Variants in GSAP observed in about 807,000 individuals in gnomAD.
GSAP encodes the protein gamma-secretase activating protein, also known as gamma-secretase-activating protein.
A neutral mutation model predicts 131.7 loss-of-function variants in GSAP; 118 were observed. The observed-to-expected ratio is 0.90, with a 90% CI of 0.77 to 1.04. The LOEUF (loss-of-function observed/expected upper bound fraction) is 1.04, where lower values mean the gene tolerates loss of function less well. GSAP is among the 50% of genes least tolerant of loss of function. GSAP has a pLI of 0.00. For missense variants in GSAP, 1,019 were observed against 1,013.2 expected, an observed-to-expected ratio of 1.01 and a Z score of -0.08; for synonymous variants, 381 against 363.4, an observed-to-expected ratio of 1.05 and a Z score of -0.55.
At chr7:77,413,260 G>T (rs555912101) in intron 1 of GSAP, among the ~76,000 whole-genome samples, 1 of 152,278 alleles carries the variant, frequency 6.6e-6, no homozygotes, top group Non-Finnish European at 1.5e-5. Context: ...AGGAAGCTTC[G>T]GAACTGAAAT....
chr7:77,355,067 G>A (rs764845061), intron 16 of GSAP, 146 bp downstream of exon 16: 56 of 609,218 alleles, frequency 9.2e-5, no homozygotes, highest in South Asian at 2.7e-4. Flanking sequence ...AAAAAGCAGC[G>A]CAAAAGATGA....
chr7:77,396,060 C>A (rs1190867006), intron 5 of GSAP, among the ~76,000 whole-genome samples: 1 of 152,204 alleles, frequency 6.6e-6, no homozygotes, highest in Non-Finnish European at 1.5e-5. Flanking sequence ...AAGCTCCAGA[C>A]TTCCCTTGAT....
intron 5 of GSAP, among the ~76,000 whole-genome samples, chr7:77,393,559 C>T (rs28612656): frequency 0.12 from 18,782 of 151,942 alleles, 1,664 homozygotes; most frequent in East Asian, 0.41. Context: ...CCCACATGCC[C>T]TTCTACCTGT....
chr7:77,382,025 A>AT (rs1797883237), intron 7 of GSAP, among the ~76,000 whole-genome samples: 1 of 149,250 alleles, frequency 6.7e-6, no homozygotes, highest in Non-Finnish European at 1.5e-5. Flanking sequence ...AAGACAGCTT[A>AT]CTAGATAAGC....
chr7:77,406,078 A>G lies in GSAP; in HGVS notation c.137T>C (p.Leu46Ser). 8.4e-7 allele frequency: 1 copy of G among 1,189,104 alleles called. No individual in the cohort carries two copies. The highest frequency in any genetic ancestry group is 1.1e-6 in the Non-Finnish European group (1 of 890,160). 73.7% of individuals were successfully genotyped at this position (1,189,104 alleles called of 1,614,324 possible). The change falls in exon 2 of 31, where the codon TTA becomes TCA. Residue 46 changes from leucine (L) to serine (S), a missense_variant. Leu to Ser is a moderately radical substitution (Grantham distance 145, BLOSUM62 -2). Transcript: ENST00000257626. ...ATTTCTTTCAACATTTAATACATGT[A>G]AGCTCTCATAATCGTTTTCTAAAAC... ...ADVLENDYES[L>S]HVLNVERNGN...
At chr7:77,371,890 G>A (rs1028184467) in intron 12 of GSAP, among the ~76,000 whole-genome samples, 1 of 152,210 alleles carries the variant, frequency 6.6e-6, no homozygotes, top group Non-Finnish European at 1.5e-5. Context: ...TGGTGACAAA[G>A]TACCATCCTA....
rs528552700 is a variant in GSAP, at chr7:77,337,309, G to C, written c.1546-6942C>G. On this transcript the variant is annotated intron_variant, in intron 19 of 30. Coordinates refer to ENST00000257626, the MANE Select transcript of GSAP (RefSeq NM_017439.4). ...CGGGGGCGGGGGTGGGGTGGGGGGG[G>C]GGTTACAGGCGTGTACCACCACACC... Among the ~76,000 whole-genome samples, 11 of 150,086 alleles carry C rather than the reference G, an allele frequency of 7.3e-5. No homozygotes were observed. In the South Asian group the frequency reaches 8.5e-4, roughly 12 times the overall value.
intron 19 of GSAP, among the ~76,000 whole-genome samples, chr7:77,331,566 GCCC>G (rs1789156241): frequency 1.3e-5 from 2 of 152,108 alleles, no homozygotes; most frequent in African/African-American, 4.8e-5. Flanking sequence ...CAAGAAAAAT[GCCC>G]TCATGTTAAA....
intron 9 of GSAP, 48 bp from the exon 10 acceptor site, chr7:77,376,955 A>T (rs1796985600): frequency 9.4e-7 from 1 of 1,064,540 alleles, no homozygotes; most frequent in Non-Finnish European, 1.4e-6. Flanking sequence ...GAAAAAAAGA[A>T]AAGGAAGCAG....
intron 24 of GSAP, among the ~76,000 whole-genome samples, chr7:77,323,363 T>C (rs73703331): frequency 0.014 from 2,147 of 152,290 alleles, 51 homozygotes; most frequent in African/African-American, 0.048. Context: ...AGATGAGATA[T>C]TAACATTTGG....
At chr7:77,360,533 C>T (rs1344949021) in intron 14 of GSAP, among the ~76,000 whole-genome samples, 1 of 152,134 alleles carries the variant, frequency 6.6e-6, no homozygotes, top group Non-Finnish European at 1.5e-5. Flanking sequence ...TTTATGTTAA[C>T]AAATAGCTTT....
intron 14 of GSAP, among the ~76,000 whole-genome samples, chr7:77,357,027 G>C (rs1190165000): frequency 6.6e-6 from 1 of 152,204 alleles, no homozygotes; most frequent in African/African-American, 2.4e-5. Flanking sequence ...GGACATAATG[G>C]AAAGGGTATC....
At chr7:77,402,517 C>G (rs913101209) in intron 3 of GSAP, among the ~76,000 whole-genome samples, 1 of 141,324 alleles carries the variant, frequency 7.1e-6, no homozygotes. Flanking sequence ...TTTGCTTGAA[C>G]CCAGGAGGCG....
intron 3 of GSAP, among the ~76,000 whole-genome samples, chr7:77,398,789 G>A (rs1583864130): frequency 6.6e-6 from 1 of 151,948 alleles, no homozygotes; most frequent in Admixed American, 6.6e-5. Context: ...AAGGTCAAAA[G>A]AAATGACAGT....
chr7:77,381,217 T>C, intron 8 of GSAP, 88 bp downstream of exon 8: 3 of 623,192 alleles, frequency 4.8e-6, no homozygotes, highest in Non-Finnish European at 5.6e-6. Flanking sequence ...ACATTATATA[T>C]CAATAACATT....
intron 2 of GSAP, among the ~76,000 whole-genome samples, chr7:77,405,152 A>G (rs1005813472): frequency 3.3e-5 from 5 of 152,244 alleles, no homozygotes; most frequent in African/African-American, 1.2e-4. Flanking sequence ...TTGTTAAATA[A>G]CATGCTTCAC....
At chr7:77,381,961 C>G (rs1318012812) in intron 7 of GSAP, among the ~76,000 whole-genome samples, 1 of 150,562 alleles carries the variant, frequency 6.6e-6, no homozygotes, top group African/African-American at 2.5e-5. Context: ...CAAAGCCTTA[C>G]CCCTCAAGCC....
At chr7:77,323,885 C>A in intron 23 of GSAP, 143 bp from the exon 24 acceptor site, 1 of 518,092 alleles carries the variant, frequency 1.9e-6, no homozygotes, top group Non-Finnish European at 3.4e-6. Flanking sequence ...ATGCATAACT[C>A]TCAGTATTTC....
intron 1 of GSAP, among the ~76,000 whole-genome samples, chr7:77,408,036 G>A (rs1802604048): frequency 6.6e-6 from 1 of 152,170 alleles, no homozygotes; most frequent in Non-Finnish European, 1.5e-5. Flanking sequence ...TCAATAATGG[G>A]CACAACTAAT....
Sources: allele counts gnomAD v4.1 joint callset (sites outside exome capture counted in the v4.1 genomes callset), GRCh38; gene constraint gnomAD v4.1.1; transcripts MANE v1.5; gene names NCBI Gene and HGNC (gene_info 2026-07-23, HGNC 2026-07-21).